Variants in KANSL1 observed in about 807,000 individuals in gnomAD.
KANSL1 encodes KAT8 regulatory NSL complex subunit 1, also known as MLL1/MLL complex subunit KANSL1.
In KANSL1, 22 loss-of-function variants were observed where a neutral mutation model predicts 103.6. The ratio of observed to expected loss-of-function variants is 0.21; its 90% CI spans 0.15 to 0.30. The LOEUF is 0.30. KANSL1 is among the 10% of genes least tolerant of loss of function. KANSL1 has a pLI of 1.00. For missense variants in KANSL1, 1,337 were observed against 1,399.8 expected, an observed-to-expected ratio of 0.96 and a Z score of 0.72; for synonymous variants, 600 against 527.6, an observed-to-expected ratio of 1.14 and a Z score of -1.88.
chr17:46,056,666 TATA>T (rs2146545319), intron 6 of KANSL1, among the ~76,000 whole-genome samples: 1 of 152,360 alleles, frequency 6.6e-6, no homozygotes, highest in African/African-American at 2.4e-5. Flanking sequence ...CTTAACACTG[TATA>T]ATATGATCAT....
intron 1 of KANSL1, among the ~76,000 whole-genome samples, chr17:46,207,618 A>C (rs2048015273): frequency 6.6e-6 from 1 of 152,222 alleles, no homozygotes; most frequent in Non-Finnish European, 1.5e-5. Flanking sequence ...TAAAATTAAA[A>C]TGTGCAGAGA....
intron 9 of KANSL1, 113 bp downstream of exon 9, chr17:46,038,914 C>T: frequency 7.3e-7 from 1 of 1,368,206 alleles, no homozygotes; most frequent in Non-Finnish European, 1.0e-6. Flanking sequence ...CTCTACTCTG[C>T]TTTCCTAGAA....
At chr17:46,062,114 C>CCAAAAA (rs2078187992) in intron 6 of KANSL1, among the ~76,000 whole-genome samples, 1 of 37,126 alleles carries the variant, frequency 2.7e-5, no homozygotes, top group Non-Finnish European at 6.3e-5. Flanking sequence ...AAAAAACAAA[C>CCAAAAA]AAACAAAAAA....
At chr17:46,038,827 A>G in intron 9 of KANSL1, 141 bp from the exon 10 acceptor site, 1 of 1,220,882 alleles carries the variant, frequency 8.2e-7, no homozygotes. Flanking sequence ...GAAGCACACT[A>G]GCTGTGGGAA....
upstream of KANSL1, chr17:46,196,532 G>A: frequency 2.3e-6 from 1 of 430,916 alleles, no homozygotes. Flanking sequence ...GCCTGAAGAT[G>A]CCACCAACAT....
chr17:46,219,208 G>A (rs1362130045), intron 1 of KANSL1, among the ~76,000 whole-genome samples: 3 of 149,296 alleles, frequency 2.0e-5, no homozygotes, highest in African/African-American at 7.5e-5. Context: ...AGGTTGCAGT[G>A]AGCCAAGATC....
intron 7 of KANSL1, among the ~76,000 whole-genome samples, chr17:46,047,934 T>G (rs746674409): frequency 7.1e-6 from 1 of 141,614 alleles, no homozygotes; most frequent in African/African-American, 2.7e-5. Flanking sequence ...CAAGACAGGG[T>G]CTCACTACCG....
At position 46,037,040 on chromosome 17, in the gene KANSL1, T is replaced by G. The variant is rs114401637; in HGVS notation, c.2541+1498A>C. Among the ~76,000 whole-genome samples, 365 of 152,058 alleles carry G rather than the reference T, an allele frequency of 2.4e-3. 2 individuals carry two copies. Among genetic ancestry groups the G allele is most frequent in the African/African-American group, 8.3e-3 (346 of 41,464 alleles). On this transcript the variant is annotated intron_variant, in intron 10 of 14. Transcript: ENST00000432791. ...TATCTTCTTTTACATAAATCCAGAGTCTTTGAAAAAACTTGGCAATGAGAG... is the reference window on the plus strand; with the variant it reads ...TATCTTCTTTTACATAAATCCAGAGGCTTTGAAAAAACTTGGCAATGAGAG...
intron 2 of KANSL1, among the ~76,000 whole-genome samples, chr17:46,164,191 C>T (rs1274739095): frequency 6.6e-6 from 1 of 152,252 alleles, no homozygotes; most frequent in Non-Finnish European, 1.5e-5. Flanking sequence ...TAAAAGAGTA[C>T]GTTCACTTCA....
At chr17:46,192,101 T>C (rs2047361434) in intron 1 of KANSL1, among the ~76,000 whole-genome samples, 1 of 152,174 alleles carries the variant, frequency 6.6e-6, no homozygotes, top group East Asian at 1.9e-4. Context: ...AATAGTTAAG[T>C]AGCACGTTTC....
intron 3 of KANSL1, chr17:46,088,455 A>C (rs529478191): frequency 2.6e-5 from 4 of 152,262 alleles, no homozygotes; most frequent in Non-Finnish European, 5.9e-5. Context: ...TTGAAGAGAA[A>C]GGTGTTATAA....
intron 4 of KANSL1, among the ~76,000 whole-genome samples, chr17:46,072,726 T>A (rs906733000): frequency 6.6e-6 from 1 of 152,204 alleles, no homozygotes; most frequent in Non-Finnish European, 1.5e-5. Flanking sequence ...TTTCTGCCTA[T>A]GTGGGGCTAT....
At chr17:46,037,762 A>G (rs1455850271) in intron 10 of KANSL1, 1 of 152,246 alleles carries the variant, frequency 6.6e-6, no homozygotes, top group Admixed American at 6.5e-5. Flanking sequence ...ATTTACCATT[A>G]CATTACATTG....
At chr17:46,156,899 C>CA (rs200919070) in intron 2 of KANSL1, 5,180 of 110,668 alleles carry the variant, frequency 0.047, 262 homozygotes, top group African/African-American at 0.15. Flanking sequence ...ACTCTATCTC[C>CA]AAAAAAAAAA....
At chr17:46,036,694 G>C (rs1325028693) in intron 10 of KANSL1, among the ~76,000 whole-genome samples, 3 of 152,116 alleles carry the variant, frequency 2.0e-5, no homozygotes, top group South Asian at 4.1e-4. Flanking sequence ...CAGATACTGA[G>C]AGCCTGCTGT....
At chr17:46,217,252 G>A (rs980405589) in intron 1 of KANSL1, among the ~76,000 whole-genome samples, 3 of 152,254 alleles carry the variant, frequency 2.0e-5, no homozygotes, top group African/African-American at 4.8e-5. Context: ...GAGGTGGGTG[G>A]ACCACTTGAG....
chr17:46,113,938 T>A (rs1240662518), intron 2 of KANSL1, among the ~76,000 whole-genome samples: 2 of 152,318 alleles, frequency 1.3e-5, no homozygotes, highest in South Asian at 2.1e-4. Flanking sequence ...TTAGAGATTA[T>A]CTATCTCTAA....
At chr17:46,062,310 T>C (rs1299961158) in intron 6 of KANSL1, among the ~76,000 whole-genome samples, 1 of 151,648 alleles carries the variant, frequency 6.6e-6, no homozygotes, top group Non-Finnish European at 1.5e-5. Context: ...CTGAACACTT[T>C]GTTTTAGTCA....
At chr17:46,173,711 CA>C in intron 1 of KANSL1, among the ~76,000 whole-genome samples, 1 of 152,188 alleles carries the variant, frequency 6.6e-6, no homozygotes, top group African/African-American at 2.4e-5. Flanking sequence ...GAAGAGGCAC[CA>C]AACTATACTA....
Sources: allele counts gnomAD v4.1 joint callset (sites outside exome capture counted in the v4.1 genomes callset), GRCh38; gene constraint gnomAD v4.1.1; transcripts MANE v1.5; gene names NCBI Gene and HGNC (gene_info 2026-07-23, HGNC 2026-07-21).